The following ZNF236 variants were observed in gnomAD, a reference collection of about 807,000 sequenced individuals.
ZNF236 encodes regulated by glucose.
ZNF236 carries 50 observed loss-of-function variants against 191.2 expected under a neutral mutation model. That is an observed-to-expected ratio of 0.26 (90% confidence interval 0.21 to 0.33). ZNF236 has a LOEUF of 0.33. Ranked by LOEUF, ZNF236 falls within the 10% of genes least tolerant of loss-of-function variation. The probability of loss-of-function intolerance (pLI) is 1.00; values close to 1 mark genes in which losing one functional copy is unlikely to be tolerated. For synonymous variants in ZNF236, 907 were observed against 928.8 expected (o/e 0.98, Z 0.43); for missense variants, 1,754 against 2,374.5 (o/e 0.74, Z 5.43).
chr18:76,952,292 T>A (rs566226231), intron 27 of ZNF236, among the ~76,000 whole-genome samples: 2 of 152,228 alleles, frequency 1.3e-5, no homozygotes, highest in South Asian at 4.1e-4. Context: ...TTCTCTTAGA[T>A]GTTTTCTGTA....
At chr18:76,952,495 G>A (rs963548379) in intron 27 of ZNF236, among the ~76,000 whole-genome samples, 1 of 152,192 alleles carries the variant, frequency 6.6e-6, no homozygotes, top group Non-Finnish European at 1.5e-5. Flanking sequence ...GGAGGAAGCT[G>A]GGACCATTTG....
intron 3 of ZNF236, among the ~76,000 whole-genome samples, chr18:76,865,079 G>A (rs1340115771): frequency 3.3e-5 from 5 of 152,200 alleles, no homozygotes; most frequent in African/African-American, 9.6e-5. Context: ...GCTCACGCCT[G>A]TAATCCCAGC....
At chr18:76,942,149 G>A (rs545281079) in intron 26 of ZNF236, among the ~76,000 whole-genome samples, 11 of 152,168 alleles carry the variant, frequency 7.2e-5, no homozygotes, top group Non-Finnish European at 1.5e-4. Context: ...GATAAATGTC[G>A]AATGATTTAA....
chr18:76,957,930 T>A (rs1245971209), intron 28 of ZNF236, among the ~76,000 whole-genome samples: 1 of 152,168 alleles, frequency 6.6e-6, no homozygotes, highest in Non-Finnish European at 1.5e-5. Flanking sequence ...AGTTGATAAA[T>A]GGGATCCAGT....
In ZNF236 at chr18:76,925,371, A is replaced by G. The variant is rs1967645607; in HGVS notation, c.3844A>G (p.Lys1282Glu). Residue 1282 changes from lysine to glutamate, a missense_variant, in exon 22 of 31, where the codon AAG becomes GAG. Around this residue, in one of 5 missense-constraint regions of ZNF236, gnomAD observed 606 missense variants for 761.5 expected, o/e 0.80. Transcript: ENST00000320610. This position sits in a 1 kb window ranked among gnomAD's most constrained non-coding sequence, Gnocchi z 5.7. ...GTTTCATTATAAACCAGACCCAAAG[A>G]AGGCCAGAAAGCCTATGACTCGAAG... The part of the protein sequence containing the change: ...MQFHYKPDPK[K>E]ARKPMTRSSS... 1 of 1,614,036 alleles carries G rather than the reference A, an allele frequency of 6.2e-7. No individual in the cohort carries two copies. The highest frequency in any genetic ancestry group is 1.3e-5 in the African/African-American group (1 of 74,914).
chr18:76,880,392 A>G lies in ZNF236; in HGVS notation c.1188+76A>G. 1 of 1,424,354 alleles carries G rather than the reference A, an allele frequency of 7.0e-7. No individual in the cohort carries two copies. The highest frequency in any genetic ancestry group is 1.4e-5 in the South Asian group (1 of 70,970). 88.2% of individuals were successfully genotyped at this position (1,424,354 alleles called of 1,614,324 possible). ...GAAACCAGGGATGATAATTGAGAAT[A>G]AATCTGCAGGGCTTGTCAAAGTCAG... On this transcript the variant is annotated intron_variant, in intron 8 of 30. Transcript: ENST00000320610. This position sits in a 1 kb window ranked among gnomAD's most constrained non-coding sequence, Gnocchi z 5.0.
At chr18:76,904,673 T>C in intron 12 of ZNF236, 152 bp downstream of exon 12, 1 of 653,670 alleles carries the variant, frequency 1.5e-6, no homozygotes, top group Non-Finnish European at 2.2e-6. Flanking sequence ...ATTAATATTT[T>C]TATTCTTTAA....
chr18:76,873,619 T>C (rs1976636877), intron 5 of ZNF236, among the ~76,000 whole-genome samples: 1 of 152,160 alleles, frequency 6.6e-6, no homozygotes, highest in African/African-American at 2.4e-5. Flanking sequence ...TGTGTGATGA[T>C]GTGAGGGGGG....
In ZNF236 at chr18:76,878,071, C is replaced by T. The variant is rs376842636; in HGVS notation, c.903C>T (p.Ser301=). 5.0e-6 allele frequency: 8 copies of T among 1,613,260 alleles called. No individual in the cohort carries two copies. In the South Asian group the frequency reaches 6.6e-5, roughly 13 times the overall value. The change falls in exon 7 of 31, where the codon AGC becomes AGT. Residue 301 remains serine (S), a synonymous_variant. Transcript: ENST00000320610. ...GTTGTGTATTTAAAAGTTTAGGCAG[C>T]TTAAACACGCATATCAGCAAGATGC... ...ECSCVFKSLG[S]LNTHISKMHM...
At chr18:76,831,029 A>G (rs991975295) in intron 1 of ZNF236, among the ~76,000 whole-genome samples, 23 of 152,204 alleles carry the variant, frequency 1.5e-4, no homozygotes, top group Admixed American at 1.0e-3. Context: ...AGTTTCTCCT[A>G]TTGGTAACAT....
chr18:76,879,215 C>T (rs1976802897), intron 7 of ZNF236, among the ~76,000 whole-genome samples: 1 of 152,082 alleles, frequency 6.6e-6, no homozygotes, highest in Admixed American at 6.5e-5. Flanking sequence ...CATTTATATT[C>T]TCAATAAAAA....
At chr18:76,845,080 A>G (rs148368036) in intron 1 of ZNF236, among the ~76,000 whole-genome samples, 62 of 152,342 alleles carry the variant, frequency 4.1e-4, no homozygotes, top group African/African-American at 1.4e-3. Flanking sequence ...GTAAACAGCT[A>G]TTATTCTATT....
At chr18:76,959,896 C>A in intron 29 of ZNF236, 80 bp downstream of exon 29, 1 of 1,491,300 alleles carries the variant, frequency 6.7e-7, no homozygotes, top group Non-Finnish European at 9.1e-7. Flanking sequence ...TCCACCTGTG[C>A]AATATTCACG....
intron 1 of ZNF236, among the ~76,000 whole-genome samples, chr18:76,848,952 C>T (rs11665564): frequency 0.26 from 39,434 of 152,044 alleles, 5,378 homozygotes; most frequent in African/African-American, 0.31. Flanking sequence ...AGCCACTGTG[C>T]GTGGCAGTTT....
chr18:76,963,149 G>A (rs1440790108), intron 30 of ZNF236, among the ~76,000 whole-genome samples: 1 of 152,162 alleles, frequency 6.6e-6, no homozygotes, highest in Non-Finnish European at 1.5e-5. Context: ...TCTTTGTCTT[G>A]TTTCAGTTCT....
intron 27 of ZNF236, among the ~76,000 whole-genome samples, 180 bp from the exon 28 acceptor site, chr18:76,955,805 C>A (rs1267373562): frequency 2.0e-5 from 3 of 152,184 alleles, no homozygotes; most frequent in African/African-American, 7.2e-5. Flanking sequence ...AGTGTGCATT[C>A]TGGTCTCATA....
intron 26 of ZNF236, among the ~76,000 whole-genome samples, chr18:76,941,662 G>C (rs1014045909): frequency 6.6e-6 from 1 of 152,166 alleles, no homozygotes; most frequent in African/African-American, 2.4e-5. Context: ...GGGTCTTCTG[G>C]AGCCTGTGTC....
intron 27 of ZNF236, among the ~76,000 whole-genome samples, chr18:76,951,375 A>AACTTGCTGCAGCTTCTCCAGCAAC (rs1968404024): frequency 6.6e-6 from 1 of 152,166 alleles, no homozygotes. Flanking sequence ...TGTTCTGGAG[A>AACTTGCTGCAGCTTCTCCAGCAAC]ACTTGCTGCA....
intron 12 of ZNF236, 51 bp from the exon 13 acceptor site, chr18:76,905,104 A>G (rs1179320005): frequency 3.3e-6 from 5 of 1,530,468 alleles, no homozygotes; most frequent in Non-Finnish European, 3.5e-6. Context: ...GTCACAAAGC[A>G]TTATAAAAGT....
Sources: allele counts gnomAD v4.1 joint callset (sites outside exome capture counted in the v4.1 genomes callset), GRCh38; gene constraint gnomAD v4.1.1; regional missense constraint gnomAD v4.1.1; non-coding constraint Gnocchi (gnomAD v3.1); transcripts MANE v1.5; gene names NCBI Gene and HGNC (gene_info 2026-07-23, HGNC 2026-07-21).